The following NR2F1-AS1 variants were observed in gnomAD, a reference collection of about 807,000 sequenced individuals.
NR2F1-AS1 encodes the protein NR2F1 regulatory antisense RNA 1.
chr5:93,509,949 G>C (rs1751262571), intron 4 of NR2F1-AS1, among the ~76,000 whole-genome samples: 1 of 151,812 alleles, frequency 6.6e-6, no homozygotes. Flanking sequence ...GAGAAAATAA[G>C]AAACTAGAGC....
chr5:93,461,746 AG>A (rs1298479476), intron 4 of NR2F1-AS1, among the ~76,000 whole-genome samples: 2 of 152,218 alleles, frequency 1.3e-5, no homozygotes, highest in Admixed American at 6.5e-5. Flanking sequence ...TATGCACTAC[AG>A]ATGGGCCACC....
intron 4 of NR2F1-AS1, among the ~76,000 whole-genome samples, chr5:93,519,503 T>C (rs1000723628): frequency 5.9e-5 from 9 of 152,024 alleles, no homozygotes; most frequent in Non-Finnish European, 8.8e-5. Flanking sequence ...AAAGGACCCT[T>C]AATTTCTATT....
intron 4 of NR2F1-AS1, among the ~76,000 whole-genome samples, chr5:93,484,120 G>C (rs146396265): frequency 6.6e-6 from 1 of 152,074 alleles, no homozygotes; most frequent in Non-Finnish European, 1.5e-5. Flanking sequence ...GATACTCCTC[G>C]AGAAGAGCAA....
intron 4 of NR2F1-AS1, among the ~76,000 whole-genome samples, chr5:93,448,568 A>T (rs1481724477): frequency 6.6e-6 from 1 of 152,248 alleles, no homozygotes; most frequent in Non-Finnish European, 1.5e-5. Flanking sequence ...CTGATAGCTT[A>T]GGTGTGGTAC....
intron 4 of NR2F1-AS1, among the ~76,000 whole-genome samples, chr5:93,428,573 T>C (rs906030217): frequency 6.6e-6 from 1 of 152,194 alleles, no homozygotes; most frequent in Non-Finnish European, 1.5e-5. Flanking sequence ...TGGATCTGTT[T>C]CCAGTTTTGT....
At chr5:93,499,948 T>TA in intron 4 of NR2F1-AS1, among the ~76,000 whole-genome samples, 1 of 152,218 alleles carries the variant, frequency 6.6e-6, no homozygotes, top group Non-Finnish European at 1.5e-5. Context: ...TCTTCAATTC[T>TA]ATGAAGGCTA....
At chr5:93,552,680 A>G (rs1752258995) in intron 4 of NR2F1-AS1, among the ~76,000 whole-genome samples, 1 of 152,042 alleles carries the variant, frequency 6.6e-6, no homozygotes, top group South Asian at 2.1e-4. Context: ...ACAAAAAAAA[A>G]AAAAAAGGAC....
At chr5:93,477,707 C>G (rs2149873511) in intron 4 of NR2F1-AS1, among the ~76,000 whole-genome samples, 1 of 152,252 alleles carries the variant, frequency 6.6e-6, no homozygotes, top group East Asian at 1.9e-4. Context: ...AGCTAGCCAG[C>G]CAGCCAATAC....
At chr5:93,416,537 G>A (rs1037034152) in intron 4 of NR2F1-AS1, among the ~76,000 whole-genome samples, 1 of 152,146 alleles carries the variant, frequency 6.6e-6, no homozygotes, top group East Asian at 1.9e-4. Context: ...GAGCATAACA[G>A]CAACAGCTGA....
intron 4 of NR2F1-AS1, among the ~76,000 whole-genome samples, chr5:93,486,286 TTA>T (rs1750715210): frequency 2.7e-5 from 4 of 150,460 alleles, no homozygotes; most frequent in African/African-American, 7.4e-5. Flanking sequence ...ATTAATTTTT[TTA>T]AAAAAGTCAG....
chr5:93,449,142 T>A (rs912581191), intron 4 of NR2F1-AS1, among the ~76,000 whole-genome samples: 6 of 152,142 alleles, frequency 3.9e-5, no homozygotes, highest in Admixed American at 2.6e-4. Flanking sequence ...GAATTCTATG[T>A]TAGAATTAGT....
intron 4 of NR2F1-AS1, among the ~76,000 whole-genome samples, chr5:93,512,056 T>C (rs1751309531): frequency 6.6e-6 from 1 of 152,178 alleles, no homozygotes; most frequent in Admixed American, 6.6e-5. Flanking sequence ...TATTTTACAG[T>C]GTGCTCCTTC....
intron 1 of NR2F1-AS1, among the ~76,000 whole-genome samples, chr5:93,575,000 G>A (rs1047464467): frequency 1.3e-5 from 2 of 152,256 alleles, no homozygotes; most frequent in Admixed American, 1.3e-4. Flanking sequence ...CTTTAGAACT[G>A]CAATCGCCTG....
At chr5:93,498,779 A>G (rs1236306609) in intron 4 of NR2F1-AS1, among the ~76,000 whole-genome samples, 1 of 152,164 alleles carries the variant, frequency 6.6e-6, no homozygotes, top group Non-Finnish European at 1.5e-5. Flanking sequence ...GTAACTGGAT[A>G]AAGGCTCTTC....
intron 4 of NR2F1-AS1, among the ~76,000 whole-genome samples, chr5:93,436,985 CAA>C (rs34277476): frequency 3.1e-5 from 4 of 130,656 alleles, no homozygotes; most frequent in Admixed American, 7.7e-5. Context: ...TCATTATCTC[CAA>C]AAAAAAAAAA....
intron 1 of NR2F1-AS1, among the ~76,000 whole-genome samples, chr5:93,564,844 T>C (rs995955425): frequency 6.6e-6 from 1 of 152,160 alleles, no homozygotes; most frequent in African/African-American, 2.4e-5. Context: ...ATATCTAAAC[T>C]ACTTTATTAT....
At chr5:93,502,992 T>G (rs977830917) in intron 4 of NR2F1-AS1, among the ~76,000 whole-genome samples, 1 of 152,138 alleles carries the variant, frequency 6.6e-6, no homozygotes, top group Non-Finnish European at 1.5e-5. Context: ...TGTTTACCTA[T>G]GGGAAAGGAG....
At chr5:93,548,638 G>A (rs1041237736) in intron 4 of NR2F1-AS1, among the ~76,000 whole-genome samples, 2 of 152,242 alleles carry the variant, frequency 1.3e-5, no homozygotes, top group Middle Eastern at 3.4e-3. Flanking sequence ...CAAGGTGGGT[G>A]GATCATTTGA....
intron 4 of NR2F1-AS1, chr5:93,410,901 G>A (rs1748840768): frequency 6.6e-6 from 1 of 152,070 alleles, no homozygotes; most frequent in African/African-American, 2.4e-5. Context: ...TCAATAAAAT[G>A]GATCCTATCA....
Sources: allele counts gnomAD v4.1 joint callset (sites outside exome capture counted in the v4.1 genomes callset), GRCh38; gene constraint gnomAD v4.1.1; transcripts MANE v1.5; gene names NCBI Gene and HGNC (gene_info 2026-07-23, HGNC 2026-07-21).